RAD51B: variants seen among roughly 807,000 people sequenced by gnomAD.
RAD51B encodes DNA repair protein RAD51 homolog 2.
In RAD51B, 38 loss-of-function variants were observed where a neutral mutation model predicts 42.2. The observed-to-expected ratio is 0.90, with a 90% CI of 0.70 to 1.18. The LOEUF (loss-of-function observed/expected upper bound fraction) is 1.18. RAD51B is among the 50% of genes most tolerant of loss of function. The probability of loss-of-function intolerance (pLI) is 0.00; values close to 1 mark genes in which losing one functional copy is unlikely to be tolerated. For synonymous variants in RAD51B, 154 were observed against 145.2 expected (o/e 1.06, Z -0.43); for missense variants, 373 against 400.7 (o/e 0.93, Z 0.59).
At chr14:67,880,771 G>T (rs1476417708) in intron 5 of RAD51B, among the ~76,000 whole-genome samples, 1 of 151,896 alleles carries the variant, frequency 6.6e-6, no homozygotes, top group Non-Finnish European at 1.5e-5. Flanking sequence ...TACGTTGTTG[G>T]TGGGTGCTGG....
At chr14:67,879,689 C>A (rs1309096299) in intron 5 of RAD51B, among the ~76,000 whole-genome samples, 1 of 152,132 alleles carries the variant, frequency 6.6e-6, no homozygotes, top group Non-Finnish European at 1.5e-5. Context: ...TATGTTTTTG[C>A]AAATCTCTTT....
intron 10 of RAD51B, among the ~76,000 whole-genome samples, chr14:68,571,311 T>C (rs1350048811): frequency 6.6e-6 from 1 of 152,198 alleles, no homozygotes; most frequent in Non-Finnish European, 1.5e-5. Flanking sequence ...ACAAATCAAT[T>C]ACCTGTATAA....
chr14:68,300,472 C>T (rs1050113390), intron 8 of RAD51B, among the ~76,000 whole-genome samples: 2 of 152,138 alleles, frequency 1.3e-5, no homozygotes, highest in African/African-American at 4.8e-5. Flanking sequence ...TACCTCCCAA[C>T]ATGCTGGGAT....
In RAD51B at chr14:68,477,691, GA is replaced by G. The variant is rs1566906212; in HGVS notation, c.*28del. ...GATACTGTGACCTTTGTCTAGAGTTGATGGGGGTGTGATTTGTGAAATAAAA... is the reference window on the plus strand; with the variant it reads ...GATACTGTGACCTTTGTCTAGAGTTGTGGGGGTGTGATTTGTGAAATAAAA... On this transcript the variant is annotated 3_prime_UTR_variant, in exon 11 of 11. Transcript: ENST00000471583. The G allele has an allele frequency of 4.4e-6, 7 of 1,608,858 alleles. No individual in the cohort carries two copies. The highest frequency in any genetic ancestry group is 5.9e-6 in the Non-Finnish European group (7 of 1,178,320).
chr14:67,857,707 C>T (rs1015569126), intron 4 of RAD51B, among the ~76,000 whole-genome samples: 1 of 152,226 alleles, frequency 6.6e-6, no homozygotes, highest in Non-Finnish European at 1.5e-5. Context: ...CTAGTTAGCA[C>T]TCTAATGATA....
chr14:68,285,916 A>G (rs1025670068), intron 7 of RAD51B, among the ~76,000 whole-genome samples: 21 of 152,216 alleles, frequency 1.4e-4, no homozygotes, highest in African/African-American at 4.8e-4. Context: ...AGATTGCCTC[A>G]CATACTTGAC....
At chr14:67,996,815 T>C (rs766414847) in intron 7 of RAD51B, among the ~76,000 whole-genome samples, 1 of 152,108 alleles carries the variant, frequency 6.6e-6, no homozygotes, top group Non-Finnish European at 1.5e-5. Context: ...TTAGACAAGC[T>C]AGGAGGTTGT....
chr14:68,245,444 G>A (rs188857908), intron 7 of RAD51B, among the ~76,000 whole-genome samples: 4 of 152,372 alleles, frequency 2.6e-5, no homozygotes, highest in Admixed American at 2.0e-4. Context: ...CTGCTAGTGT[G>A]TGATGCTTTG....
intron 5 of RAD51B, among the ~76,000 whole-genome samples, chr14:67,876,837 A>T (rs927905219): frequency 1.3e-5 from 2 of 152,202 alleles, no homozygotes; most frequent in Non-Finnish European, 2.9e-5. Flanking sequence ...ACCTCAGGAC[A>T]TCTCCACTAG....
rs567546452 is a variant in RAD51B, at chr14:68,421,048, T to C, written c.957+9521T>C. ...CATTTGGTTTACCTGTAAAACTTAG[T>C]GAGTTATGTATTAGGATAGCCCCTC... On this transcript the variant is annotated intron_variant, in intron 9 of 10. Transcript: ENST00000471583. 5.3e-5 allele frequency among the ~76,000 whole-genome samples: 8 copies of C among 152,298 alleles called. No homozygotes were observed. In the South Asian group the frequency reaches 1.7e-3, roughly 32 times the overall value.
intron 7 of RAD51B, among the ~76,000 whole-genome samples, chr14:68,246,495 AG>A (rs1384133626): frequency 2.6e-5 from 4 of 152,170 alleles, no homozygotes; most frequent in Non-Finnish European, 5.9e-5. Context: ...ATTTAAGAAA[AG>A]GGGGCTTCCA....
At chr14:68,421,464 G>T (rs1045500732) in intron 9 of RAD51B, among the ~76,000 whole-genome samples, 2 of 151,990 alleles carry the variant, frequency 1.3e-5, no homozygotes, top group Non-Finnish European at 2.9e-5. Flanking sequence ...GGGACCTCAG[G>T]CCCTTCCAAA....
chr14:68,542,098 A>G (rs1380200769), intron 10 of RAD51B, among the ~76,000 whole-genome samples: 1 of 152,234 alleles, frequency 6.6e-6, no homozygotes, highest in Non-Finnish European at 1.5e-5. Flanking sequence ...GAAGTAAGCA[A>G]TAGTTTAAAA....
At chr14:68,385,253 A>G (rs2083568366) in intron 8 of RAD51B, among the ~76,000 whole-genome samples, 1 of 152,164 alleles carries the variant, frequency 6.6e-6, no homozygotes, top group African/African-American at 2.4e-5. Context: ...ACATCACATC[A>G]AGGTGAAGTT....
intron 10 of RAD51B, among the ~76,000 whole-genome samples, chr14:68,629,412 A>G (rs1295612993): frequency 3.3e-5 from 5 of 152,170 alleles, no homozygotes; most frequent in Admixed American, 3.3e-4. Flanking sequence ...AAAGCACTGC[A>G]TTTCACATTG....
chr14:67,979,873 T>C (rs1457786021), intron 7 of RAD51B, among the ~76,000 whole-genome samples: 4 of 152,170 alleles, frequency 2.6e-5, no homozygotes, highest in Non-Finnish European at 5.9e-5. Flanking sequence ...TTAGCAAGTT[T>C]AAAATGGTGG....
chr14:68,230,767 T>C (rs935405496), intron 7 of RAD51B, among the ~76,000 whole-genome samples: 2 of 152,250 alleles, frequency 1.3e-5, no homozygotes, highest in Admixed American at 1.3e-4. Context: ...GCTGTGATTT[T>C]AGTGTTCTTT....
At chr14:67,941,706 A>G (rs2045215614) in intron 7 of RAD51B, among the ~76,000 whole-genome samples, 1 of 152,326 alleles carries the variant, frequency 6.6e-6, no homozygotes, top group Non-Finnish European at 1.5e-5. Context: ...AGGATTGGAC[A>G]TAGAGATATA....
intron 7 of RAD51B, among the ~76,000 whole-genome samples, chr14:68,031,787 A>C (rs898950224): frequency 6.6e-6 from 1 of 152,222 alleles, no homozygotes; most frequent in Non-Finnish European, 1.5e-5. Context: ...TTTCCAAGTC[A>C]ATGGTAAGAA....
Sources: gnomAD v4.1 joint callset for allele counts (sites outside exome capture counted in the v4.1 genomes callset) on GRCh38, gnomAD v4.1.1 for gene constraint, MANE v1.5 for transcripts, NCBI Gene and HGNC (gene_info 2026-07-23, HGNC 2026-07-21) for gene names.